Variants in MTA3 observed in about 807,000 individuals in gnomAD.
The protein encoded by MTA3 is metastasis associated 1 family member 3.
In MTA3, 34 loss-of-function variants were observed where a neutral mutation model predicts 83.5. That is an observed-to-expected ratio of 0.41 (90% confidence interval 0.31 to 0.54). MTA3 has a LOEUF of 0.54. Among genes scored for constraint, MTA3 ranks in the 20% least tolerant of loss-of-function variants. The pLI is 0.33. For synonymous variants in MTA3, 303 were observed against 252.7 expected, an observed-to-expected ratio of 1.20 and a Z score of -1.89; for missense variants, 761 against 726.4, an observed-to-expected ratio of 1.05 and a Z score of -0.55.
chr2:42,753,934 C>A lies in MTA3; in HGVS notation c.*535C>A. The A allele has an allele frequency of 1.0e-6, 1 of 985,860 alleles. No individual in the cohort carries two copies. Among genetic ancestry groups the A allele is most frequent in the Non-Finnish European group, 1.2e-6 (1 of 830,134 alleles). The allele number at this position is 985,860 out of a possible 1,614,324, so 61.1% of individuals were successfully genotyped here. A position where few individuals can be genotyped will look rare whatever the true frequency, so the allele number is the denominator to read the frequency against. On this transcript the variant is annotated 3_prime_UTR_variant, in exon 17 of 17. Coordinates refer to ENST00000405094, the MANE Select transcript of MTA3 (RefSeq NM_001330442.2). ...CTGTTACCGTCACTCAGCTTTTTCT[C>A]GATAGGCTTCATCCTTGTTTTTTTG... is the stretch of plus-strand genomic sequence containing the variant.
At chr2:42,571,573 A>C (rs1167035155) in intron 2 of MTA3, among the ~76,000 whole-genome samples, 2 of 152,158 alleles carry the variant, frequency 1.3e-5, no homozygotes. Context: ...TAGAGTCATA[A>C]TGTGTATTTT....
At chr2:42,652,586 TCCTCCTA>T (rs1223671376) in intron 6 of MTA3, among the ~76,000 whole-genome samples, 3 of 152,160 alleles carry the variant, frequency 2.0e-5, no homozygotes, top group African/African-American at 7.2e-5. Context: ...CCTCAAATGA[TCCTCCTA>T]CCTTGGCTTC....
At chr2:42,549,495 TTATATCATATATAATATATATGATATAA>T (rs1676990618) in intron 2 of MTA3, among the ~76,000 whole-genome samples, 1 of 36,084 alleles carries the variant, frequency 2.8e-5, no homozygotes, top group Non-Finnish European at 3.8e-5. Context: ...AAATTATATA[TTATATCATATATAATATATATGATATAA>T]TATATAATAT....
intron 2 of MTA3, among the ~76,000 whole-genome samples, chr2:42,515,684 G>T (rs956236263): frequency 1.3e-5 from 2 of 151,236 alleles, no homozygotes; most frequent in Non-Finnish European, 2.9e-5. Context: ...TGTATTTTTA[G>T]TAGAGACAGG....
At chr2:42,616,675 C>G (rs553484934) in intron 4 of MTA3, among the ~76,000 whole-genome samples, 3 of 142,670 alleles carry the variant, frequency 2.1e-5, no homozygotes, top group South Asian at 2.4e-4. Flanking sequence ...TCCTCCCTGG[C>G]TGAGATGATG....
Position 42,708,052 on chromosome 2 carries a change from G to A in MTA3, c.1300G>A (p.Glu434Lys). Residue 434 changes from glutamate to lysine, a missense_variant and splice_region_variant, in exon 13 of 17, where the codon GAG becomes AAG. Glu to Lys is a moderately conservative substitution (Grantham distance 56). Coordinates refer to ENST00000405094, the MANE Select transcript of MTA3 (RefSeq NM_001330442.2). ...EEKLSPSPTTEDPRVRSHVSR... is the reference protein window; with the variant it reads ...EEKLSPSPTTKDPRVRSHVSR... Reference sequence around the variant, plus strand: ...GAAGTTATCTCCTAGCCCAACTACAGAGGTACAGTAGTCTTTTTAGTGTTG... The same window carrying A: ...GAAGTTATCTCCTAGCCCAACTACAAAGGTACAGTAGTCTTTTTAGTGTTG... 1 of 1,601,382 alleles carries A rather than the reference G, an allele frequency of 6.2e-7. No individual in the cohort carries two copies. The highest frequency in any genetic ancestry group is 1.3e-5 in the African/African-American group (1 of 74,196).
intron 8 of MTA3, among the ~76,000 whole-genome samples, chr2:42,668,110 G>A (rs1410442781): frequency 6.6e-6 from 1 of 152,196 alleles, no homozygotes; most frequent in Non-Finnish European, 1.5e-5. Flanking sequence ...GGAAGAGGGA[G>A]TGCAGCCACA....
chr2:42,547,034 T>C (rs1676787497), intron 2 of MTA3, among the ~76,000 whole-genome samples: 1 of 151,884 alleles, frequency 6.6e-6, no homozygotes, highest in South Asian at 2.1e-4. Context: ...ACTGCAGAGG[T>C]TCCCCCCACT....
intron 4 of MTA3, among the ~76,000 whole-genome samples, chr2:42,630,138 A>G (rs116617640): frequency 8.4e-4 from 128 of 152,334 alleles, no homozygotes; most frequent in Non-Finnish European, 1.3e-3. Context: ...GATCCTGTCT[A>G]TGGGAACAGT....
At chr2:42,582,902 C>A (rs1679832009) in intron 3 of MTA3, among the ~76,000 whole-genome samples, 1 of 152,120 alleles carries the variant, frequency 6.6e-6, no homozygotes, top group African/African-American at 2.4e-5. Flanking sequence ...CTACTGCTTG[C>A]CACTCTCACC....
intron 4 of MTA3, among the ~76,000 whole-genome samples, chr2:42,626,962 A>G (rs1686165927): frequency 6.6e-6 from 1 of 151,954 alleles, no homozygotes; most frequent in African/African-American, 2.4e-5. Context: ...GCTGGCTTCA[A>G]ACTCCTGACC....
intron 16 of MTA3, among the ~76,000 whole-genome samples, chr2:42,752,681 A>T (rs1190095742): frequency 6.6e-6 from 1 of 152,142 alleles, no homozygotes; most frequent in Non-Finnish European, 1.5e-5. Flanking sequence ...ATGATTAATT[A>T]TGATGAGCTC....
At chr2:42,752,714 A>G (rs892048343) in intron 16 of MTA3, among the ~76,000 whole-genome samples, 6 of 152,136 alleles carry the variant, frequency 3.9e-5, no homozygotes, top group Admixed American at 3.9e-4. Flanking sequence ...GCCTCCTCCC[A>G]GCCAACTGTG....
chr2:42,719,426 C>T (rs1366685893), intron 15 of MTA3, among the ~76,000 whole-genome samples: 2 of 152,166 alleles, frequency 1.3e-5, no homozygotes, highest in South Asian at 2.1e-4. Context: ...CAGATCCCTT[C>T]CCTGTTTCTA....
chr2:42,538,719 A>G (rs574986161), intron 2 of MTA3, among the ~76,000 whole-genome samples: 202 of 150,328 alleles, frequency 1.3e-3, no homozygotes, highest in African/African-American at 4.6e-3. Flanking sequence ...TAAAAAAAAA[A>G]AAAAAAAGAA....
chr2:42,704,352 G>T, intron 12 of MTA3, 34 bp downstream of exon 12: 1 of 1,611,992 alleles, frequency 6.2e-7, no homozygotes, highest in Non-Finnish European at 8.5e-7. Context: ...TTAAGCATCG[G>T]GAACTGTTCT....
chr2:42,606,169 G>C (rs1314033222), intron 3 of MTA3, among the ~76,000 whole-genome samples: 61 of 72,110 alleles, frequency 8.5e-4, no homozygotes, highest in Middle Eastern at 0.025. Context: ...CTCACCTCCC[G>C]GACGGGGCGG....
intron 4 of MTA3, among the ~76,000 whole-genome samples, chr2:42,638,540 T>C (rs1687401055): frequency 1.3e-5 from 2 of 152,058 alleles, no homozygotes; most frequent in South Asian, 4.1e-4. Context: ...TATTTTATTT[T>C]TTTTAATTTT....
At chr2:42,591,654 T>A (rs898946223) in intron 3 of MTA3, among the ~76,000 whole-genome samples, 1 of 139,694 alleles carries the variant, frequency 7.2e-6, no homozygotes. Context: ...ATTTATTTTT[T>A]ATTTTTATTT....
Sources: gnomAD v4.1 joint callset for allele counts (sites outside exome capture counted in the v4.1 genomes callset) on GRCh38, gnomAD v4.1.1 for gene constraint, MANE v1.5 for transcripts, NCBI Gene and HGNC (gene_info 2026-07-23, HGNC 2026-07-21) for gene names.